The following ASB5 variants were observed in gnomAD, a reference collection of about 807,000 sequenced individuals.
ASB5 encodes the protein ankyrin repeat and SOCS box protein 5.
Under a neutral mutation model 42.1 loss-of-function variants are expected in ASB5, and 45 were observed. That is an observed-to-expected ratio of 1.07 (90% CI 0.84 to 1.37). The LOEUF is 1.37. ASB5 is among the 40% of genes most tolerant of loss of function. The pLI is 0.00. For missense variants in ASB5, 402 were observed against 399.8 expected (o/e 1.01, Z -0.05); for synonymous variants, 147 against 150.6 (o/e 0.98, Z 0.18).
At chr4:176,264,912 T>A (rs1322548521) in intron 1 of ASB5, among the ~76,000 whole-genome samples, 1 of 152,140 alleles carries the variant, frequency 6.6e-6, no homozygotes, top group African/African-American at 2.4e-5. Context: ...TTTTTTGTTG[T>A]CATTCTATGT....
At chr4:176,250,781 T>C (rs1754017215) in intron 1 of ASB5, among the ~76,000 whole-genome samples, 2 of 152,192 alleles carry the variant, frequency 1.3e-5, no homozygotes, top group Non-Finnish European at 2.9e-5. Flanking sequence ...CAGAAACAGA[T>C]CTCTCATCAC....
chr4:176,249,861 G>C lies in ASB5; in HGVS notation c.196+19052C>G, dbSNP rs368841826. On this transcript the variant is annotated intron_variant, in intron 1 of 6. Transcript: ENST00000296525. ...CGGGTGGATCACGAGGTCAGGAGATGGAGACCATCCTGGCTAACACAGTGA... is the reference window on the plus strand; with the variant it reads ...CGGGTGGATCACGAGGTCAGGAGATCGAGACCATCCTGGCTAACACAGTGA... Among the ~76,000 whole-genome samples the C allele has an allele frequency of 1.7e-3, 255 of 151,918 alleles. 2 individuals carry two copies. In the Middle Eastern group the frequency reaches 0.027, roughly 16 times the overall value.
intron 2 of ASB5, among the ~76,000 whole-genome samples, chr4:176,275,107 G>T (rs966607441): frequency 1.3e-5 from 2 of 151,894 alleles, no homozygotes; most frequent in Admixed American, 1.3e-4. Context: ...TAGAGACAGG[G>T]TTTCACCATG....
rs184769071 is a variant in ASB5 at position 176,275,937 on chromosome 4, C to T, written c.-200-31G>A. The T allele has an allele frequency of 7.9e-5, 12 of 152,284 alleles. No individual in the cohort carries two copies. The East Asian group carries it at 2.3e-3, about 29-fold the overall frequency. The allele number at this position is 152,284 out of a possible 1,614,324, so 9.4% of individuals were successfully genotyped here. Reference sequence around the variant, plus strand: ...TATAGAAGACAGAAAATGAGCTGGGCTTCATCTTTTCCTTGTTAAGCTTAA... The same window carrying T: ...TATAGAAGACAGAAAATGAGCTGGGTTTCATCTTTTCCTTGTTAAGCTTAA... On this transcript the variant is annotated intron_variant, in intron 1 of 2. Coordinates refer to the ASB5 transcript ENST00000505299.
chr4:176,253,476 A>G (rs752056257), intron 1 of ASB5, among the ~76,000 whole-genome samples: 16 of 152,346 alleles, frequency 1.1e-4, no homozygotes, highest in Middle Eastern at 3.4e-3. Flanking sequence ...CCTGCTGAGA[A>G]CTGGAACAAG....
At chr4:176,257,507 T>C (rs11726139) in intron 1 of ASB5, among the ~76,000 whole-genome samples, 27,286 of 152,124 alleles carry the variant, frequency 0.18, 3,214 homozygotes, top group Middle Eastern at 0.33. Flanking sequence ...TCTGCATTAC[T>C]TTGCTCCAAT....
chr4:176,226,607 T>C (rs1753385635), intron 1 of ASB5, among the ~76,000 whole-genome samples: 1 of 152,124 alleles, frequency 6.6e-6, no homozygotes, highest in Non-Finnish European at 1.5e-5. Context: ...TCTGTCTCTC[T>C]GGAGAACCCT....
intron 2 of ASB5, among the ~76,000 whole-genome samples, chr4:176,224,536 T>G (rs10010843): frequency 1.9e-5 from 1 of 51,634 alleles, no homozygotes; most frequent in African/African-American, 1.1e-4. Flanking sequence ...TGCCCAGCTA[T>G]TTTTTTTTTA....
In ASB5 at chr4:176,216,871, A is replaced by C. The variant is rs779056961; in HGVS notation, c.809T>G (p.Ile270Arg). The change falls in exon 6 of 7, where the codon ATA becomes AGA. Residue 270 changes from isoleucine to arginine, a missense_variant. Ile to Arg is a moderately conservative substitution (Grantham distance 97, BLOSUM62 -3). Transcript: ENST00000296525. ...NAKNTELLRP[I>R]DVATSSSMVE... is the part of the protein sequence containing the mutation. ...CATACTGCTAGACGTAGCTACATCT[A>C]TAGGTCGCAGAAGCTCTGTATTTTT... 4 of 1,613,560 alleles carry C rather than the reference A, an allele frequency of 2.5e-6. No homozygotes were observed. The African/African-American group carries it at 5.3e-5, about 22-fold the overall frequency.
chr4:176,222,553 G>C (rs1579312169), intron 2 of ASB5, 133 bp from the exon 3 acceptor site: 7 of 796,572 alleles, frequency 8.8e-6, no homozygotes, highest in African/African-American at 1.8e-5. Flanking sequence ...AGTTTAGCAG[G>C]ATAGGCCAGT....
At position 176,231,867 on chromosome 4, in the gene ASB5, C is replaced by G. The variant is rs187521566; in HGVS notation, c.197-6526G>C. Among the ~76,000 whole-genome samples, 36 of 40,774 alleles carry G rather than the reference C, an allele frequency of 8.8e-4. No individual in the cohort carries two copies. The East Asian group carries it at 0.026, about 29-fold the overall frequency. 26.7% of individuals were successfully genotyped at this position (40,774 alleles called of 152,430 possible). On this transcript the variant is annotated intron_variant, in intron 1 of 6. Coordinates refer to ENST00000296525, the MANE Select transcript of ASB5 (RefSeq NM_080874.4). ...CTCAAAACAAAACAAAACAAATAAACAAAAAAGTCTTTACCTGCTCCCAAT... is the reference window on the plus strand; with the variant it reads ...CTCAAAACAAAACAAAACAAATAAAGAAAAAAGTCTTTACCTGCTCCCAAT...
At chr4:176,220,583 G>A (rs1343868649) in intron 5 of ASB5, among the ~76,000 whole-genome samples, 2 of 152,170 alleles carry the variant, frequency 1.3e-5, no homozygotes, top group African/African-American at 2.4e-5. Context: ...CAGTGGGTTA[G>A]GAATGTTTTT....
chr4:176,231,217 G>A (rs1303794600), intron 1 of ASB5, among the ~76,000 whole-genome samples: 3 of 107,212 alleles, frequency 2.8e-5, no homozygotes, highest in African/African-American at 7.4e-5. Flanking sequence ...AGGTAAATCC[G>A]ACTCATAATT....
intron 1 of ASB5, among the ~76,000 whole-genome samples, chr4:176,239,160 T>G (rs1017687897): frequency 2.0e-5 from 3 of 152,206 alleles, no homozygotes; most frequent in African/African-American, 7.2e-5. Context: ...AGGGGCCTAT[T>G]CAGTCCAGCA....
At chr4:176,233,733 T>C (rs1561257945) in intron 1 of ASB5, among the ~76,000 whole-genome samples, 1 of 152,188 alleles carries the variant, frequency 6.6e-6, no homozygotes, top group Non-Finnish European at 1.5e-5. Flanking sequence ...ACATTAACTC[T>C]TGAGGAGCTC....
chr4:176,263,906 G>T (rs1390682663), intron 1 of ASB5, among the ~76,000 whole-genome samples: 2 of 152,088 alleles, frequency 1.3e-5, no homozygotes, highest in African/African-American at 4.8e-5. Flanking sequence ...AGAAAAAAAA[G>T]ATATTACATC....
rs566769624 is a variant in ASB5 at position 176,222,372 on chromosome 4, C to T, written c.325G>A (p.Glu109Lys). Residue 109 changes from glutamate to lysine, a missense_variant, in exon 3 of 7, where the codon GAA (glutamate) becomes AAA (lysine). Glu to Lys is a moderately conservative substitution (Grantham distance 56). Coordinates refer to ENST00000296525, the MANE Select transcript of ASB5 (RefSeq NM_080874.4). ...VTLDHVTPLH[E>K]ACLGDHVACA... The stretch of plus-strand genomic sequence containing the variant: ...GCCACGTGATCTCCAAGGCAGGCTT[C>T]GTGCAATGGGGTGACATGGTCTAAG... 7.1e-5 allele frequency: 114 copies of T among 1,613,900 alleles called. No individual in the cohort carries two copies. Among genetic ancestry groups the T allele is most frequent in the African/African-American group, 8.0e-5 (6 of 75,032 alleles).
chr4:176,215,709 T>A lies in ASB5; in HGVS notation c.881A>T (p.Tyr294Phe). The A allele has an allele frequency of 6.2e-7, 1 of 1,612,564 alleles. No individual in the cohort carries two copies. The highest frequency in any genetic ancestry group is 8.5e-7 in the Non-Finnish European group (1 of 1,179,236). ...LQHEATPSSL[Y>F]QLCRLCIRSY... Reference sequence around the variant, plus strand: ...TCGGATACAGAGTCGGCAAAGTTGGTAAAGAGAGCTTGGGGTAGCTACAAG... The same window carrying A: ...TCGGATACAGAGTCGGCAAAGTTGGAAAAGAGAGCTTGGGGTAGCTACAAG... Residue 294 changes from tyrosine (Y) to phenylalanine (F), a missense_variant, in exon 7 of 7, where the codon TAC (tyrosine) becomes TTC (phenylalanine). Physicochemically the swap from Tyr to Phe is conservative, Grantham distance 22 (BLOSUM62 3). Coordinates refer to ENST00000296525, the MANE Select transcript of ASB5 (RefSeq NM_080874.4).
chr4:176,219,918 T>C (rs1173518111), intron 5 of ASB5, among the ~76,000 whole-genome samples: 1 of 151,932 alleles, frequency 6.6e-6, no homozygotes, highest in Non-Finnish European at 1.5e-5. Context: ...AATGAAAGGC[T>C]CTAAAGCAGG....
Sources: allele counts gnomAD v4.1 joint callset (sites outside exome capture counted in the v4.1 genomes callset), GRCh38; gene constraint gnomAD v4.1.1; transcripts MANE v1.5; gene names NCBI Gene and HGNC (gene_info 2026-07-23, HGNC 2026-07-21).